DCC: variants seen among roughly 807,000 people sequenced by gnomAD.
The protein encoded by DCC is DCC netrin 1 receptor.
DCC carries 58 observed loss-of-function variants against 172.5 expected under a neutral mutation model. That is an observed-to-expected ratio of 0.34 (90% CI 0.27 to 0.42). The LOEUF is 0.42. DCC is among the 10% of genes least tolerant of loss of function. DCC has a pLI of 1.00. For synonymous variants in DCC, 709 were observed against 644.5 expected (o/e 1.10, Z -1.52); for missense variants, 1,740 against 1,791.0 (o/e 0.97, Z 0.51).
chr18:53,211,762 GA>G (rs2055757152), intron 11 of DCC, among the ~76,000 whole-genome samples: 3 of 151,852 alleles, frequency 2.0e-5, no homozygotes, highest in Admixed American at 2.0e-4. Flanking sequence ...AAATAAATAT[GA>G]ATTACTGCTG....
At chr18:53,207,209 C>T (rs146096440) in intron 10 of DCC, among the ~76,000 whole-genome samples, 1 of 152,276 alleles carries the variant, frequency 6.6e-6, no homozygotes, top group East Asian at 1.9e-4. Context: ...ATAATTTCAA[C>T]CAATCTAACA....
chr18:52,764,196 G>T (rs2037207454), intron 2 of DCC, among the ~76,000 whole-genome samples: 1 of 152,190 alleles, frequency 6.6e-6, no homozygotes, highest in Admixed American at 6.5e-5. Flanking sequence ...AGCATATAGA[G>T]CTGGGTTCTT....
At position 53,428,406 on chromosome 18, in the gene DCC, A is replaced by G. The variant is rs1911238541; in HGVS notation, c.3164-6738A>G. 4.0e-5 allele frequency among the ~76,000 whole-genome samples: 2 copies of G among 50,130 alleles called. 1 individual carries two copies. The highest frequency in any genetic ancestry group is 1.3e-3 in the South Asian group (2 of 1,584). 32.9% of individuals were successfully genotyped at this position (50,130 alleles called of 152,430 possible). On this transcript the variant is annotated intron_variant, in intron 21 of 28. Coordinates refer to ENST00000442544, the MANE Select transcript of DCC (RefSeq NM_005215.4). ...TATTGTATATAATATAATATAATATATTACATATATAATATAATATATTAC... is the reference window on the plus strand; with the variant it reads ...TATTGTATATAATATAATATAATATGTTACATATATAATATAATATATTAC...
At chr18:52,947,721 C>T (rs1489732531) in intron 5 of DCC, among the ~76,000 whole-genome samples, 5 of 152,160 alleles carry the variant, frequency 3.3e-5, no homozygotes, top group Non-Finnish European at 7.3e-5. Flanking sequence ...GGGGCCGTTC[C>T]ATGCCATGCA....
intron 1 of DCC, among the ~76,000 whole-genome samples, chr18:52,385,448 G>A (rs1268227472): frequency 6.6e-6 from 1 of 151,902 alleles, no homozygotes; most frequent in African/African-American, 2.4e-5. Flanking sequence ...ACTTATTTTT[G>A]TATGCCTCAG....
At chr18:52,953,842 T>G (rs2145554145) in intron 5 of DCC, among the ~76,000 whole-genome samples, 1 of 152,360 alleles carries the variant, frequency 6.6e-6, no homozygotes, top group South Asian at 2.1e-4. Context: ...AAATAAATGT[T>G]ACTTTTCAGA....
At chr18:52,641,488 A>G (rs551456234) in intron 1 of DCC, among the ~76,000 whole-genome samples, 1 of 152,330 alleles carries the variant, frequency 6.6e-6, no homozygotes, top group South Asian at 2.1e-4. Context: ...AACATCCAGA[A>G]TCTACAATGA....
intron 7 of DCC, among the ~76,000 whole-genome samples, chr18:53,091,859 CTATATATATATA>C (rs35776447): frequency 5.7e-5 from 8 of 141,108 alleles, no homozygotes; most frequent in African/African-American, 2.2e-4. Context: ...ATCAATCTAT[CTATATATATATA>C]TATATCTACA....
intron 3 of DCC, among the ~76,000 whole-genome samples, chr18:52,919,974 A>G (rs1943124): frequency 0.39 from 57,575 of 148,126 alleles, 11,852 homozygotes; most frequent in Non-Finnish European, 0.47. Context: ...GGAGAAAAAA[A>G]TCGCCTTTTC....
chr18:53,208,298 TATATGTATATAC>T (rs1040587983), intron 11 of DCC, among the ~76,000 whole-genome samples: 28 of 151,554 alleles, frequency 1.8e-4, no homozygotes, highest in African/African-American at 6.8e-4. Context: ...TATATATGTA[TATATGTATATAC>T]ATATGTATAT....
intron 1 of DCC, among the ~76,000 whole-genome samples, chr18:52,599,656 AG>A (rs923187278): frequency 8.5e-5 from 13 of 152,054 alleles, no homozygotes; most frequent in African/African-American, 3.1e-4. Context: ...CTGGGATTAC[AG>A]GCGCTGCTAC....
intron 2 of DCC, among the ~76,000 whole-genome samples, chr18:52,787,752 C>T (rs2037686434): frequency 6.6e-6 from 1 of 152,030 alleles, no homozygotes; most frequent in African/African-American, 2.4e-5. Context: ...ATTTAAAACA[C>T]TTGATGTTAT....
intron 14 of DCC, among the ~76,000 whole-genome samples, chr18:53,335,255 G>T (rs910398259): frequency 2.0e-5 from 3 of 152,108 alleles, no homozygotes; most frequent in African/African-American, 7.2e-5. Context: ...ACTCAAATGG[G>T]GAGAATTTCC....
At chr18:52,909,234 T>C (rs1210524652) in intron 3 of DCC, among the ~76,000 whole-genome samples, 2 of 152,168 alleles carry the variant, frequency 1.3e-5, no homozygotes, top group East Asian at 1.9e-4. Flanking sequence ...AAATTACATA[T>C]ATAATACATA....
chr18:52,613,356 CA>C (rs1394859907), intron 1 of DCC, among the ~76,000 whole-genome samples: 1 of 152,022 alleles, frequency 6.6e-6, no homozygotes, highest in South Asian at 2.1e-4. Flanking sequence ...CCCGGGTTCA[CA>C]CCATCCTCCT....
At chr18:53,517,640 A>G (rs2046352328) in intron 27 of DCC, among the ~76,000 whole-genome samples, 1 of 151,978 alleles carries the variant, frequency 6.6e-6, no homozygotes, top group Non-Finnish European at 1.5e-5. Context: ...CTTTCTTACA[A>G]TGGGAGGAGG....
intron 8 of DCC, among the ~76,000 whole-genome samples, chr18:53,161,665 A>G (rs2054841472): frequency 6.6e-6 from 1 of 152,104 alleles, no homozygotes. Flanking sequence ...CTTCAACCCC[A>G]ATTCCTCCCC....
At chr18:52,530,071 T>A (rs748043270) in intron 1 of DCC, among the ~76,000 whole-genome samples, 1 of 152,234 alleles carries the variant, frequency 6.6e-6, no homozygotes, top group Admixed American at 6.5e-5. Context: ...TGAAACTATA[T>A]GATGTATAGT....
chr18:53,135,741 T>C (rs1167856496), intron 7 of DCC, among the ~76,000 whole-genome samples: 1 of 152,208 alleles, frequency 6.6e-6, no homozygotes, highest in African/African-American at 2.4e-5. Context: ...CAATGATGGC[T>C]GAATGGAATA....
Sources: gnomAD v4.1 joint callset for allele counts (sites outside exome capture counted in the v4.1 genomes callset) on GRCh38, gnomAD v4.1.1 for gene constraint, MANE v1.5 for transcripts, NCBI Gene and HGNC (gene_info 2026-07-23, HGNC 2026-07-21) for gene names.